The following BAHCC1 variants were observed in gnomAD, a reference collection of about 807,000 sequenced individuals.
The protein encoded by BAHCC1 is BAH domain and coiled-coil containing 1, also known as BAH and coiled-coil domain-containing protein 1.
BAHCC1 carries 43 observed loss-of-function variants against 88.2 expected under a neutral mutation model. That is an observed-to-expected ratio of 0.49 (90% confidence interval 0.38 to 0.63). The LOEUF (loss-of-function observed/expected upper bound fraction) is 0.63, where lower values mean the gene tolerates loss of function less well. Among genes scored for constraint, BAHCC1 ranks in the 20% least tolerant of loss-of-function variants. The probability of loss-of-function intolerance (pLI) is 0.00; values close to 1 mark genes in which losing one functional copy is unlikely to be tolerated. For missense variants in BAHCC1, 3,023 were observed against 1,654.8 expected (o/e 1.83, Z -14.34); for synonymous variants, 1,510 against 745.5 (o/e 2.03, Z -16.71).
intron 3 of BAHCC1, among the ~76,000 whole-genome samples, chr17:81,427,861 C>G (rs1273059491): frequency 6.6e-6 from 1 of 152,186 alleles, no homozygotes; most frequent in Non-Finnish European, 1.5e-5. Flanking sequence ...TACAGAGCGC[C>G]GCGGACCCAC....
chr17:81,410,193 G>A lies in BAHCC1; in HGVS notation c.178+10276G>A, dbSNP rs139130757. 389 of 203,160 alleles carry A rather than the reference G, an allele frequency of 1.9e-3. 1 individual carries two copies. The highest frequency in any genetic ancestry group is 8.7e-3 in the African/African-American group (369 of 42,214). The allele number at this position is 203,160 out of a possible 1,614,324, so 12.6% of individuals were successfully genotyped here. ...GTCCTAGGAGCCTGCACGAGCTGCC[G>A]GAGGCACATGGCCTGTGCACGCCCC... On this transcript the variant is annotated intron_variant, in intron 2 of 27. Transcript: ENST00000675386.
Position 81,399,992 on chromosome 17 carries a change from G to A in BAHCC1, c.178+75G>A, listed in dbSNP as rs1555645788. On this transcript the variant is annotated intron_variant, in intron 2 of 27. Coordinates refer to ENST00000675386, the MANE Select transcript of BAHCC1 (RefSeq NM_001377448.1). This position sits in a 1 kb window ranked among gnomAD's most constrained non-coding sequence, Gnocchi z 4.5. ...ACAGGGCGCCCACCCCTCCGCTCCCGGGAGCAGAGAAGCTTTGGTTTCATT... is the reference window on the plus strand; with the variant it reads ...ACAGGGCGCCCACCCCTCCGCTCCCAGGAGCAGAGAAGCTTTGGTTTCATT... 13 of 1,185,140 alleles carry A rather than the reference G, an allele frequency of 1.1e-5. No homozygotes were observed. Among genetic ancestry groups the A allele is most frequent in the South Asian group, 1.0e-4 (4 of 38,984 alleles). The allele number at this position is 1,185,140 out of a possible 1,614,324, so 73.4% of individuals were successfully genotyped here. A position where few individuals can be genotyped will look rare whatever the true frequency, so the allele number is the denominator to read the frequency against.
At chr17:81,398,000 C>A (rs1466378191) in intron 1 of BAHCC1, among the ~76,000 whole-genome samples, 5 of 152,092 alleles carry the variant, frequency 3.3e-5, no homozygotes, top group South Asian at 2.1e-4. Flanking sequence ...TTTTAGAACC[C>A]GGACCATAAA....
Position 81,399,930 on chromosome 17 carries a change from C to T in BAHCC1, c.178+13C>T, listed in dbSNP as rs782567217. On this transcript the variant is annotated intron_variant, in intron 2 of 27. Coordinates refer to ENST00000675386, the MANE Select transcript of BAHCC1 (RefSeq NM_001377448.1). The surrounding 1 kb of genome is among the most constrained non-coding windows in gnomAD (Gnocchi z 4.5). ...GCTTCGCACACAGGTCAGTGCTCGGCCGGGGCGGGCGCGGGACGGGAGCGT... is the reference window on the plus strand; with the variant it reads ...GCTTCGCACACAGGTCAGTGCTCGGTCGGGGCGGGCGCGGGACGGGAGCGT... The T allele has an allele frequency of 2.9e-6, 4 of 1,356,712 alleles. No individual in the cohort carries two copies. The Admixed American group carries it at 1.2e-4, about 40-fold the overall frequency. 84.0% of individuals were successfully genotyped at this position (1,356,712 alleles called of 1,614,324 possible).
At chr17:81,433,793 C>T (rs1555651332) in intron 3 of BAHCC1, among the ~76,000 whole-genome samples, 7 of 152,224 alleles carry the variant, frequency 4.6e-5, no homozygotes, top group Non-Finnish European at 1.5e-5. Context: ...TCAACTACAG[C>T]ACTTTGTGTG....
At chr17:81,408,769 C>G (rs1419387440) in intron 2 of BAHCC1, among the ~76,000 whole-genome samples, 2 of 152,320 alleles carry the variant, frequency 1.3e-5, no homozygotes, top group African/African-American at 4.8e-5. Flanking sequence ...CCCTGCCCAG[C>G]CCCCCTGGCT....
chr17:81,429,916 C>T (rs1300379442), intron 3 of BAHCC1, among the ~76,000 whole-genome samples: 3 of 152,230 alleles, frequency 2.0e-5, no homozygotes, highest in African/African-American at 7.2e-5. Flanking sequence ...CTTCCTGCTT[C>T]CCCGGGGGAG....
chr17:81,415,473 G>T (rs1555648493), intron 2 of BAHCC1: 1 of 498,468 alleles, frequency 2.0e-6, no homozygotes, highest in Non-Finnish European at 4.0e-6. Flanking sequence ...TGTGGTTGGA[G>T]CCAGCTGTAC....
At chr17:81,396,320 G>C (rs1465933287) in intron 1 of BAHCC1, 11 of 152,284 alleles carry the variant, frequency 7.2e-5, no homozygotes, top group Admixed American at 7.2e-4. Context: ...GGAGGAGGGG[G>C]ACCGAGCAAG....
chr17:81,405,909 C>T (rs2063872478), intron 2 of BAHCC1, among the ~76,000 whole-genome samples: 1 of 152,350 alleles, frequency 6.6e-6, no homozygotes, highest in South Asian at 2.1e-4. Context: ...ATGGCATATG[C>T]CCTCTTTTGG....
intron 3 of BAHCC1, among the ~76,000 whole-genome samples, chr17:81,436,240 T>A (rs1048271127): frequency 3.9e-5 from 6 of 152,144 alleles, no homozygotes; most frequent in Non-Finnish European, 8.8e-5. Flanking sequence ...TGGCCAGTGC[T>A]GCCCTGCTCA....
intron 11 of BAHCC1, among the ~76,000 whole-genome samples, chr17:81,450,188 C>G (rs1196955886): frequency 5.9e-5 from 9 of 152,188 alleles, no homozygotes; most frequent in Admixed American, 5.2e-4. Context: ...ACTCACCCCA[C>G]AGGGGTTCCG....
intron 26 of BAHCC1, 137 bp downstream of exon 26, chr17:81,462,183 G>A (rs1166731943): frequency 1.7e-6 from 1 of 596,568 alleles, no homozygotes; most frequent in Non-Finnish European, 3.0e-6. Flanking sequence ...AAACTCAAGG[G>A]AAGAACAAAG....
At chr17:81,458,143 C>G in intron 17 of BAHCC1, 22 bp from the exon 18 acceptor site, 1 of 715,710 alleles carries the variant, frequency 1.4e-6, no homozygotes, top group Non-Finnish European at 2.6e-6. Flanking sequence ...ACCCCTGTGA[C>G]GGCCTCCTCT....
intron 2 of BAHCC1, among the ~76,000 whole-genome samples, chr17:81,415,070 CG>C (rs34334668): frequency 0.2 from 30,189 of 152,246 alleles, 3,211 homozygotes; most frequent in African/African-American, 0.23. Flanking sequence ...CTTCCCGCCC[CG>C]GCCCCTCTTC....
chr17:81,413,095 G>A (rs1043919781), intron 2 of BAHCC1: 8 of 443,706 alleles, frequency 1.8e-5, no homozygotes, highest in Non-Finnish European at 3.2e-5. Context: ...TGAACACCAG[G>A]GTCCAGGGTT....
In BAHCC1 at chr17:81,461,337, C is replaced by T. The variant is rs1555659277; in HGVS notation, c.6674C>T (p.Ala2225Val). 5 of 733,396 alleles carry T rather than the reference C, an allele frequency of 6.8e-6. No individual in the cohort carries two copies. Among genetic ancestry groups the T allele is most frequent in the East Asian group, 2.5e-5 (1 of 40,442 alleles). 45.4% of individuals were successfully genotyped at this position (733,396 alleles called of 1,614,324 possible). ...TCCCCCAAGAACAAGACCTGCAAGGCGTTGCTCATGGGGGACAAGGACTTC... is the reference window on the plus strand; with the variant it reads ...TCCCCCAAGAACAAGACCTGCAAGGTGTTGCTCATGGGGGACAAGGACTTC... ...VTSPKNKTCK[A>V]LLMGDKDFSP... The change falls in exon 26 of 28, where the codon GCG becomes GTG. Residue 2225 changes from alanine (A) to valine (V), a missense_variant. Coordinates refer to ENST00000675386, the MANE Select transcript of BAHCC1 (RefSeq NM_001377448.1).
chr17:81,451,474 G>A (rs527391363), intron 11 of BAHCC1, among the ~76,000 whole-genome samples, 194 bp from the exon 12 acceptor site: 4 of 152,286 alleles, frequency 2.6e-5, no homozygotes, highest in Admixed American at 6.5e-5. Context: ...CACCAAGGGA[G>A]TGTCTCCCCA....
chr17:81,455,450 T>A, intron 15 of BAHCC1, 60 bp downstream of exon 15: 1 of 697,638 alleles, frequency 1.4e-6, no homozygotes, highest in Non-Finnish European at 2.6e-6. Flanking sequence ...GGTCCCTTCC[T>A]GGCAGGTAGC....
Sources: gnomAD v4.1 joint callset for allele counts (sites outside exome capture counted in the v4.1 genomes callset) on GRCh38, gnomAD v4.1.1 for gene constraint, Gnocchi (gnomAD v3.1) non-coding constraint, MANE v1.5 for transcripts, NCBI Gene and HGNC (gene_info 2026-07-23, HGNC 2026-07-21) for gene names.